The following XPO7 variants were observed in gnomAD, a reference collection of about 807,000 sequenced individuals.
XPO7 encodes exportin 7, also known as exportin-7.
A neutral mutation model predicts 144.3 loss-of-function variants in XPO7; 21 were observed. The observed-to-expected ratio is 0.15, with a 90% CI of 0.10 to 0.21. The LOEUF (loss-of-function observed/expected upper bound fraction) is 0.21, where lower values mean the gene tolerates loss of function less well. Among genes scored for constraint, XPO7 ranks in the 10% least tolerant of loss-of-function variants. The pLI is 1.00. For missense variants in XPO7, 808 were observed against 1,325.8 expected (o/e 0.61, Z 6.06); for synonymous variants, 580 against 499.6 (o/e 1.16, Z -2.15).
chr8:21,943,313 T>G (rs1811054874), intron 1 of XPO7, among the ~76,000 whole-genome samples: 1 of 152,230 alleles, frequency 6.6e-6, no homozygotes, highest in Non-Finnish European at 1.5e-5. Flanking sequence ...GAACTTGATA[T>G]TTTATGGCAG....
intron 8 of XPO7, among the ~76,000 whole-genome samples, chr8:21,978,477 T>C (rs1345219061): frequency 7.2e-5 from 11 of 152,228 alleles, no homozygotes; most frequent in Admixed American, 7.2e-4. Context: ...AGTAGAGGAC[T>C]TTTCTGGCCA....
At chr8:21,931,503 G>C (rs1457860921) in intron 1 of XPO7, among the ~76,000 whole-genome samples, 1 of 152,178 alleles carries the variant, frequency 6.6e-6, no homozygotes, top group African/African-American at 2.4e-5. Flanking sequence ...TGAAACACTG[G>C]TATTTTATTC....
rs949492976 is a variant in XPO7 at position 21,919,688 on chromosome 8, T to TCGG, written c.-69_-67dup. The TCGG allele has an allele frequency of 3.3e-4, 62 of 185,338 alleles. No individual in the cohort carries two copies. The highest frequency in any genetic ancestry group is 2.5e-3 in the Middle Eastern group (1 of 402). The allele number at this position is 185,338 out of a possible 1,614,324, so 11.5% of individuals were successfully genotyped here. On this transcript the variant is annotated 5_prime_UTR_variant, in exon 1 of 28. Transcript: ENST00000252512. ...GCGCGCAGGCGCAGCGGCGACGGCG[T>TCGG]CGGCGGCGGCGGCGGCAGCGGCTCC...
chr8:21,977,140 CACA>C (rs1354411639), intron 7 of XPO7, among the ~76,000 whole-genome samples: 2 of 152,194 alleles, frequency 1.3e-5, no homozygotes, highest in Admixed American at 6.5e-5. Context: ...CAAAATCAAA[CACA>C]ACAACTTGTT....
intron 1 of XPO7, among the ~76,000 whole-genome samples, chr8:21,960,665 G>T (rs1585442902): frequency 2.0e-5 from 3 of 152,294 alleles, no homozygotes; most frequent in African/African-American, 7.2e-5. Flanking sequence ...ATTATCACTT[G>T]CTGAAAATAA....
Position 21,995,300 on chromosome 8 carries a change from C to G in XPO7, c.2238-192C>G, listed in dbSNP as rs2306639. 3.4e-4 allele frequency among the ~76,000 whole-genome samples: 51 copies of G among 152,186 alleles called. No homozygotes were observed. In the East Asian group the frequency reaches 9.6e-3, roughly 29 times the overall value. The stretch of plus-strand genomic sequence containing the variant: ...GTAAACTAAAATGTATTATGAGATG[C>G]CTTTCACAGGTTAAAGAACACAAAA... On this transcript the variant is annotated intron_variant, in intron 20 of 27. Coordinates refer to ENST00000252512, the MANE Select transcript of XPO7 (RefSeq NM_015024.5).
At chr8:21,934,345 C>G (rs1451431744) in intron 1 of XPO7, among the ~76,000 whole-genome samples, 2 of 152,014 alleles carry the variant, frequency 1.3e-5, no homozygotes, top group Non-Finnish European at 2.9e-5. Context: ...ACTAGCCTGA[C>G]CAACATGGAG....
At chr8:21,934,214 T>C (rs1810745695) in intron 1 of XPO7, among the ~76,000 whole-genome samples, 1 of 152,204 alleles carries the variant, frequency 6.6e-6, no homozygotes. Flanking sequence ...ATGAAATATT[T>C]TGGCCAGGTG....
At chr8:22,004,597 C>A (rs1342668903) in intron 27 of XPO7, among the ~76,000 whole-genome samples, 1 of 152,128 alleles carries the variant, frequency 6.6e-6, no homozygotes, top group African/African-American at 2.4e-5. Context: ...TTCATGTTCT[C>A]AGTCACACTG....
intron 27 of XPO7, 105 bp from the exon 28 acceptor site, chr8:22,004,890 T>G: frequency 8.1e-6 from 5 of 619,300 alleles, no homozygotes; most frequent in Admixed American, 3.1e-5. Flanking sequence ...ACAGAACCCA[T>G]CAATTCATAC....
intron 20 of XPO7, 22 bp downstream of exon 20, chr8:21,994,473 G>A (rs1812874588): frequency 6.3e-7 from 1 of 1,597,714 alleles, no homozygotes; most frequent in African/African-American, 1.3e-5. Flanking sequence ...CAAACTAGGA[G>A]CACACTACAG....
chr8:21,983,452 T>TAA (rs1812470163), intron 11 of XPO7, among the ~76,000 whole-genome samples: 3 of 152,364 alleles, frequency 2.0e-5, no homozygotes, highest in South Asian at 2.1e-4. Flanking sequence ...AGTCTAAGGG[T>TAA]CTGGGGCCTT....
At chr8:21,924,007 G>C (rs1201088325) in intron 1 of XPO7, among the ~76,000 whole-genome samples, 1 of 152,170 alleles carries the variant, frequency 6.6e-6, no homozygotes, top group East Asian at 1.9e-4. Context: ...TAACTAGATG[G>C]TTTTGGTTCA....
intron 9 of XPO7, among the ~76,000 whole-genome samples, chr8:21,981,212 A>C (rs539071243): frequency 2.6e-5 from 4 of 152,376 alleles, no homozygotes; most frequent in African/African-American, 9.6e-5. Flanking sequence ...AATATTTGCT[A>C]TATCATATAA....
intron 1 of XPO7, among the ~76,000 whole-genome samples, chr8:21,935,472 G>C (rs7839925): frequency 0.57 from 87,258 of 152,062 alleles, 25,481 homozygotes; most frequent in African/African-American, 0.67. Context: ...TTTTAAGCTT[G>C]ATGTTCAGGT....
intron 1 of XPO7, among the ~76,000 whole-genome samples, chr8:21,926,478 T>C (rs1171213356): frequency 1.3e-5 from 2 of 152,228 alleles, no homozygotes; most frequent in East Asian, 1.9e-4. Context: ...TTAGGATTTT[T>C]TCCAATTCTA....
At chr8:21,969,057 TC>T (rs997812860) in intron 2 of XPO7, among the ~76,000 whole-genome samples, 1 of 152,222 alleles carries the variant, frequency 6.6e-6, no homozygotes, top group Non-Finnish European at 1.5e-5. Context: ...ATACTTCTTT[TC>T]TTTTTTCCCC....
chr8:21,976,666 T>A, intron 7 of XPO7, 145 bp downstream of exon 7: 1 of 1,069,692 alleles, frequency 9.3e-7, no homozygotes. Context: ...GTTTGTTTGT[T>A]TTTTAAAGAC....
intron 1 of XPO7, among the ~76,000 whole-genome samples, chr8:21,950,991 G>T (rs1488008684): frequency 6.6e-6 from 1 of 151,926 alleles, no homozygotes; most frequent in South Asian, 2.1e-4. Flanking sequence ...AGTTGGGCGC[G>T]GTAGTGCATG....
Sources: gnomAD v4.1 joint callset for allele counts (sites outside exome capture counted in the v4.1 genomes callset) on GRCh38, gnomAD v4.1.1 for gene constraint, MANE v1.5 for transcripts, NCBI Gene and HGNC (gene_info 2026-07-23, HGNC 2026-07-21) for gene names.